Variants in CACNA2D1 observed in about 807,000 individuals in gnomAD.
CACNA2D1 encodes voltage-dependent calcium channel subunit alpha-2/delta-1.
In CACNA2D1, 53 loss-of-function variants were observed where a neutral mutation model predicts 171.5. That is an observed-to-expected ratio of 0.31 (90% CI 0.25 to 0.39). The LOEUF (loss-of-function observed/expected upper bound fraction) is 0.39, where lower values mean the gene tolerates loss of function less well. Ranked by LOEUF, CACNA2D1 falls within the 10% of genes least tolerant of loss-of-function variation. The probability of loss-of-function intolerance (pLI) is 1.00; values close to 1 mark genes in which losing one functional copy is unlikely to be tolerated. For missense variants in CACNA2D1, 903 were observed against 1,299.8 expected (o/e 0.69, Z 4.69); for synonymous variants, 442 against 443.1 (o/e 1.00, Z 0.03).
At chr7:82,295,931 A>G (rs541707031) in intron 3 of CACNA2D1, among the ~76,000 whole-genome samples, 21 of 152,168 alleles carry the variant, frequency 1.4e-4, no homozygotes, top group Middle Eastern at 6.8e-3. Flanking sequence ...ATGCAGCCAT[A>G]AAAAATGATG....
At position 82,306,207 on chromosome 7, in the gene CACNA2D1, A is replaced by G. The variant is rs537997676; in HGVS notation, c.294+28928T>C. 2.6e-5 allele frequency among the ~76,000 whole-genome samples: 4 copies of G among 152,120 alleles called. No homozygotes were observed. In the South Asian group the frequency reaches 6.2e-4, roughly 24 times the overall value. ...TACCTTGTCATCAAATGGAATCACT[A>G]TTTTTTGGTCTCAGCCATCCAGATG... On this transcript the variant is annotated intron_variant, in intron 3 of 38. Transcript: ENST00000356860.
intron 3 of CACNA2D1, among the ~76,000 whole-genome samples, chr7:82,296,724 T>C (rs781058529): frequency 2.0e-5 from 3 of 152,132 alleles, no homozygotes; most frequent in Non-Finnish European, 2.9e-5. Context: ...TATGATTTCA[T>C]TTGTTATATA....
At chr7:81,981,572 A>G (rs1213962899) in intron 24 of CACNA2D1, among the ~76,000 whole-genome samples, 3 of 152,222 alleles carry the variant, frequency 2.0e-5, no homozygotes, top group Admixed American at 2.0e-4. Flanking sequence ...TAATTTAAGA[A>G]AAGTGAAAAA....
intron 6 of CACNA2D1, among the ~76,000 whole-genome samples, chr7:82,108,460 T>A (rs1299665845): frequency 6.6e-6 from 1 of 152,124 alleles, no homozygotes; most frequent in East Asian, 1.9e-4. Flanking sequence ...CTTCTTAAAG[T>A]CCCTACCTCC....
intron 6 of CACNA2D1, 150 bp downstream of exon 6, chr7:82,116,894 T>A (rs1789111822): frequency 4.6e-6 from 4 of 860,284 alleles, no homozygotes; most frequent in Admixed American, 3.7e-5. Context: ...ATCAGATTGA[T>A]TCTTTCACAT....
intron 3 of CACNA2D1, among the ~76,000 whole-genome samples, chr7:82,204,422 G>A (rs1018086737): frequency 3.9e-5 from 6 of 152,286 alleles, no homozygotes; most frequent in African/African-American, 9.6e-5. Context: ...CCAGGTATGC[G>A]GATGAACGGT....
At chr7:82,119,853 A>T (rs1789507149) in intron 5 of CACNA2D1, among the ~76,000 whole-genome samples, 1 of 152,272 alleles carries the variant, frequency 6.6e-6, no homozygotes, top group South Asian at 2.1e-4. Flanking sequence ...GAAGTATCAC[A>T]ATTTGTATTT....
intron 4 of CACNA2D1, among the ~76,000 whole-genome samples, chr7:82,147,015 AAGC>A (rs1793217266): frequency 5.7e-5 from 7 of 123,036 alleles, no homozygotes; most frequent in Admixed American, 3.4e-4. Context: ...AAAAAAAAAA[AAGC>A]AGCTATTAGA....
intron 3 of CACNA2D1, among the ~76,000 whole-genome samples, chr7:82,243,551 T>C (rs201792549): frequency 1.3e-5 from 2 of 152,192 alleles, no homozygotes; most frequent in East Asian, 1.9e-4. Context: ...AATGACTAAA[T>C]ACTTGTTATT....
At chr7:82,122,795 GA>G (rs1354344987) in intron 5 of CACNA2D1, among the ~76,000 whole-genome samples, 1 of 152,086 alleles carries the variant, frequency 6.6e-6, no homozygotes, top group Non-Finnish European at 1.5e-5. Flanking sequence ...ATTATAAAAG[GA>G]AATGTTTTAA....
intron 1 of CACNA2D1, among the ~76,000 whole-genome samples, chr7:82,403,258 T>C (rs1455646106): frequency 6.6e-6 from 1 of 152,202 alleles, no homozygotes; most frequent in Non-Finnish European, 1.5e-5. Flanking sequence ...ATGACCAGAC[T>C]GATTAGAGAA....
intron 1 of CACNA2D1, among the ~76,000 whole-genome samples, chr7:82,398,509 T>C (rs1825981065): frequency 6.6e-6 from 1 of 152,042 alleles, no homozygotes; most frequent in Admixed American, 6.6e-5. Flanking sequence ...AAAATAAGTA[T>C]CAGTTTACAG....
chr7:82,196,816 A>AT (rs549687950), intron 3 of CACNA2D1, among the ~76,000 whole-genome samples: 363 of 147,042 alleles, frequency 2.5e-3, no homozygotes, highest in African/African-American at 3.0e-3. Flanking sequence ...CATCTGGTAC[A>AT]TTTTTTTTTT....
intron 3 of CACNA2D1, among the ~76,000 whole-genome samples, chr7:82,235,095 A>G (rs1223206949): frequency 6.6e-6 from 1 of 152,180 alleles, no homozygotes; most frequent in African/African-American, 2.4e-5. Context: ...AAGTGAGCAC[A>G]CTAAAAAAGG....
intron 25 of CACNA2D1, among the ~76,000 whole-genome samples, chr7:81,972,546 G>T (rs1397977429): frequency 6.6e-6 from 1 of 151,816 alleles, no homozygotes; most frequent in East Asian, 1.9e-4. Context: ...TACCTAAGTA[G>T]ATAATAGGTT....
Position 81,959,255 on chromosome 7 carries a change from C to T in CACNA2D1, c.3159+20G>A, listed in dbSNP as rs761008374. 1 of 1,510,438 alleles carries T rather than the reference C, an allele frequency of 6.6e-7. No individual in the cohort carries two copies. Among genetic ancestry groups the T allele is most frequent in the East Asian group, 2.3e-5 (1 of 44,302 alleles). The allele number at this position is 1,510,438 out of a possible 1,614,324, so 93.6% of individuals were successfully genotyped here. On this transcript the variant is annotated intron_variant, in intron 38 of 38. Coordinates refer to ENST00000356860, the MANE Select transcript of CACNA2D1 (RefSeq NM_000722.4). The stretch of plus-strand genomic sequence containing the variant: ...ACCATTAATTTATAGTATTTTAATC[C>T]AGTAGAAGTGTGATCTTACCAAGAC...
chr7:81,984,361 C>T (rs1796742789), intron 22 of CACNA2D1, among the ~76,000 whole-genome samples: 1 of 152,130 alleles, frequency 6.6e-6, no homozygotes, highest in African/African-American at 2.4e-5. Flanking sequence ...AGCAACAGGA[C>T]ACAGCACTGC....
chr7:82,037,710 T>C (rs112470592), intron 11 of CACNA2D1, among the ~76,000 whole-genome samples: 148 of 152,320 alleles, frequency 9.7e-4, no homozygotes, highest in African/African-American at 3.5e-3. Flanking sequence ...AGTAACCATT[T>C]GATGATTGAA....
At chr7:82,343,057 A>C (rs573722114) in intron 2 of CACNA2D1, 2 of 152,202 alleles carry the variant, frequency 1.3e-5, no homozygotes, top group African/African-American at 4.8e-5. Context: ...TACATACCAC[A>C]TATACACACA....
Sources: allele counts gnomAD v4.1 joint callset (sites outside exome capture counted in the v4.1 genomes callset), GRCh38; gene constraint gnomAD v4.1.1; transcripts MANE v1.5; gene names NCBI Gene and HGNC (gene_info 2026-07-23, HGNC 2026-07-21).